CTNNA3: variants seen among roughly 807,000 people sequenced by gnomAD.
CTNNA3 encodes the protein catenin alpha 3.
A neutral mutation model predicts 95.7 loss-of-function variants in CTNNA3; 76 were observed. The observed-to-expected ratio is 0.79, with a 90% confidence interval of 0.66 to 0.96. The LOEUF (loss-of-function observed/expected upper bound fraction) is 0.96, where lower values mean the gene tolerates loss of function less well. Ranked by LOEUF, CTNNA3 falls within the 40% of genes least tolerant of loss-of-function variation. The pLI is 0.00. For missense variants in CTNNA3, 1,191 were observed against 1,089.8 expected (o/e 1.09, Z -1.31); for synonymous variants, 431 against 374.4 (o/e 1.15, Z -1.74).
chr10:66,926,160 G>T (rs961637551), intron 7 of CTNNA3: 2 of 462,386 alleles, frequency 4.3e-6, no homozygotes, highest in Non-Finnish European at 8.7e-6. Flanking sequence ...CTCATCACGG[G>T]AACTGCTGGG....
At chr10:67,514,004 T>C (rs1176118323) in intron 5 of CTNNA3, among the ~76,000 whole-genome samples, 1 of 152,176 alleles carries the variant, frequency 6.6e-6, no homozygotes, top group African/African-American at 2.4e-5. Flanking sequence ...ACTCATTTTT[T>C]TCATCTTTAA....
intron 5 of CTNNA3, among the ~76,000 whole-genome samples, chr10:67,363,950 G>A (rs1464254207): frequency 6.6e-6 from 1 of 152,146 alleles, no homozygotes; most frequent in Non-Finnish European, 1.5e-5. Flanking sequence ...ATAGAAAAAA[G>A]AGGGAATCCT....
intron 12 of CTNNA3, among the ~76,000 whole-genome samples, chr10:66,311,952 A>T (rs1447991134): frequency 2.6e-5 from 4 of 152,168 alleles, no homozygotes; most frequent in Non-Finnish European, 5.9e-5. Flanking sequence ...CTTGAATAAT[A>T]GAAGGTAAAG....
intron 13 of CTNNA3, among the ~76,000 whole-genome samples, chr10:66,199,874 G>A (rs1449739803): frequency 5.6e-5 from 7 of 125,918 alleles, no homozygotes; most frequent in Admixed American, 1.8e-4. Flanking sequence ...GGATGGTCTC[G>A]ATCTCCTGAC....
At chr10:66,617,501 A>T (rs953286735) in intron 10 of CTNNA3, among the ~76,000 whole-genome samples, 3 of 152,182 alleles carry the variant, frequency 2.0e-5, no homozygotes, top group Non-Finnish European at 4.4e-5. Context: ...CCTTTGACAA[A>T]ATTCAACAAC....
chr10:66,615,326 A>G (rs1844472412), intron 10 of CTNNA3, among the ~76,000 whole-genome samples: 1 of 152,018 alleles, frequency 6.6e-6, no homozygotes, highest in South Asian at 2.1e-4. Context: ...TCAAACTTAC[A>G]CTACAAAAAG....
At chr10:67,542,817 G>C (rs977639105) in intron 3 of CTNNA3, among the ~76,000 whole-genome samples, 1 of 152,044 alleles carries the variant, frequency 6.6e-6, no homozygotes, top group African/African-American at 2.4e-5. Flanking sequence ...AATTTAGCCA[G>C]TTCACTGTCA....
chr10:67,734,311 T>C (rs1417355658), intron 1 of CTNNA3, among the ~76,000 whole-genome samples: 4 of 152,120 alleles, frequency 2.6e-5, no homozygotes, highest in Non-Finnish European at 5.9e-5. Flanking sequence ...TCAACAATTA[T>C]ATGTTCTGAA....
intron 7 of CTNNA3, among the ~76,000 whole-genome samples, chr10:66,859,521 T>G (rs967340262): frequency 2.2e-4 from 34 of 151,690 alleles, no homozygotes; most frequent in Non-Finnish European, 4.9e-4. Flanking sequence ...AAACAACAGG[T>G]GCTGGAGAGG....
chr10:66,250,941 T>C (rs2090524567), intron 13 of CTNNA3, among the ~76,000 whole-genome samples: 2 of 152,204 alleles, frequency 1.3e-5, no homozygotes, highest in South Asian at 2.1e-4. Flanking sequence ...AGTTACCATA[T>C]GAAGTGGAGA....
chr10:67,286,364 G>T (rs1171687249), intron 5 of CTNNA3, among the ~76,000 whole-genome samples: 1 of 152,180 alleles, frequency 6.6e-6, no homozygotes, highest in Non-Finnish European at 1.5e-5. Flanking sequence ...GGAGCTCTTA[G>T]TTCAAATCCC....
intron 11 of CTNNA3, among the ~76,000 whole-genome samples, chr10:66,484,061 A>T (rs532116985): frequency 6.6e-6 from 1 of 152,114 alleles, no homozygotes; most frequent in East Asian, 1.9e-4. Flanking sequence ...TGTGGTTGCT[A>T]TAAGTATATT....
intron 12 of CTNNA3, among the ~76,000 whole-genome samples, chr10:66,317,411 C>T (rs1338421349): frequency 1.3e-5 from 2 of 152,040 alleles, no homozygotes; most frequent in Admixed American, 1.3e-4. Flanking sequence ...TGGTGGCTCA[C>T]ACCTGTAATC....
At chr10:66,403,347 G>A (rs910388204) in intron 11 of CTNNA3, among the ~76,000 whole-genome samples, 26 of 152,108 alleles carry the variant, frequency 1.7e-4, no homozygotes, top group African/African-American at 6.3e-4. Context: ...CCTGTGACCA[G>A]GTAATTGATA....
chr10:66,688,939 G>A (rs1403130372), intron 9 of CTNNA3, among the ~76,000 whole-genome samples: 5 of 150,022 alleles, frequency 3.3e-5, no homozygotes, highest in African/African-American at 1.2e-4. Flanking sequence ...GCCCCAGCCT[G>A]GGCCACAGAG....
At chr10:66,644,336 T>C (rs892759745) in intron 9 of CTNNA3, among the ~76,000 whole-genome samples, 3 of 147,984 alleles carry the variant, frequency 2.0e-5, no homozygotes, top group African/African-American at 7.4e-5. Flanking sequence ...AATAATACTT[T>C]ACATATATTA....
At chr10:67,739,912 A>G (rs1841325484) in intron 1 of CTNNA3, among the ~76,000 whole-genome samples, 1 of 152,184 alleles carries the variant, frequency 6.6e-6, no homozygotes, top group Non-Finnish European at 1.5e-5. Context: ...AAACTATACT[A>G]CAAGGCTACA....
At chr10:67,587,192 CTTGT>C (rs1426385620) in intron 3 of CTNNA3, among the ~76,000 whole-genome samples, 9 of 81,654 alleles carry the variant, frequency 1.1e-4, no homozygotes, top group African/African-American at 3.7e-4. Flanking sequence ...ACCCAGCTAA[CTTGT>C]GTGTGTGTGT....
chr10:65,927,586 G>A (rs998654731), intron 17 of CTNNA3, among the ~76,000 whole-genome samples: 2 of 152,130 alleles, frequency 1.3e-5, no homozygotes, highest in Admixed American at 6.5e-5. Flanking sequence ...GTTTCACATG[G>A]CATTACATGT....
Sources: gnomAD v4.1 joint callset for allele counts (sites outside exome capture counted in the v4.1 genomes callset) on GRCh38, gnomAD v4.1.1 for gene constraint, MANE v1.5 for transcripts, NCBI Gene and HGNC (gene_info 2026-07-23, HGNC 2026-07-21) for gene names.